Variants in AK5 observed in about 807,000 individuals in gnomAD.
AK5 encodes adenylate kinase 5.
A neutral mutation model predicts 69.5 loss-of-function variants in AK5; 27 were observed. That is an observed-to-expected ratio of 0.39 (90% CI 0.29 to 0.54). AK5 has a LOEUF of 0.54. AK5 is among the 20% of genes least tolerant of loss of function. The pLI, the probability that AK5 is intolerant of heterozygous loss-of-function variation, is 0.71. For missense variants in AK5, 531 were observed against 700.4 expected (o/e 0.76, Z 2.73); for synonymous variants, 260 against 244.4 (o/e 1.06, Z -0.60).
chr1:77,348,809 T>A (rs1045749860), intron 6 of AK5, among the ~76,000 whole-genome samples: 2 of 152,012 alleles, frequency 1.3e-5, no homozygotes, highest in Non-Finnish European at 2.9e-5. Context: ...CAGGAGACAC[T>A]CTGTGATCAG....
chr1:77,453,380 G>C (rs530442749), intron 8 of AK5, among the ~76,000 whole-genome samples: 2 of 152,130 alleles, frequency 1.3e-5, no homozygotes, highest in South Asian at 4.1e-4. Context: ...CCCTTATAAA[G>C]TGTTTCATAT....
chr1:77,449,113 G>C (rs896180923), intron 8 of AK5, among the ~76,000 whole-genome samples: 6 of 152,186 alleles, frequency 3.9e-5, no homozygotes, highest in African/African-American at 1.4e-4. Context: ...GGAGCTATGA[G>C]AAGAGGTCCA....
intron 8 of AK5, among the ~76,000 whole-genome samples, chr1:77,458,899 A>G (rs1653661875): frequency 6.6e-6 from 1 of 152,182 alleles, no homozygotes; most frequent in Non-Finnish European, 1.5e-5. Context: ...GGGACCAGTC[A>G]TTCCTAGTAG....
At chr1:77,514,425 T>G (rs554668421) in intron 10 of AK5, among the ~76,000 whole-genome samples, 1 of 152,192 alleles carries the variant, frequency 6.6e-6, no homozygotes, top group Non-Finnish European at 1.5e-5. Context: ...GGCCCCATTG[T>G]TTTTTTATTT....
intron 5 of AK5, among the ~76,000 whole-genome samples, chr1:77,298,344 A>G (rs1659128205): frequency 1.3e-5 from 2 of 152,154 alleles, no homozygotes; most frequent in African/African-American, 4.8e-5. Flanking sequence ...AGGTTGTGAA[A>G]TACTGAACCA....
chr1:77,493,827 GAT>G (rs1238665567), intron 10 of AK5, among the ~76,000 whole-genome samples: 1 of 152,204 alleles, frequency 6.6e-6, no homozygotes, highest in Non-Finnish European at 1.5e-5. Flanking sequence ...CAACTAATGA[GAT>G]ATCTTTCTAA....
chr1:77,313,484 A>T (rs942316306), intron 5 of AK5, among the ~76,000 whole-genome samples: 1 of 152,102 alleles, frequency 6.6e-6, no homozygotes, highest in Non-Finnish European at 1.5e-5. Flanking sequence ...AAAATTTTGG[A>T]GATTTGGCAG....
intron 10 of AK5, among the ~76,000 whole-genome samples, chr1:77,494,168 T>A (rs1656162474): frequency 6.6e-6 from 1 of 152,256 alleles, no homozygotes; most frequent in Non-Finnish European, 1.5e-5. Flanking sequence ...ATTGTGTCCC[T>A]ACCCATTGGT....
chr1:77,340,635 T>A, intron 6 of AK5, 67 bp downstream of exon 6: 1 of 1,460,522 alleles, frequency 6.8e-7, no homozygotes, highest in Non-Finnish European at 9.4e-7. Flanking sequence ...TTAGCCCATG[T>A]TCTCATGTAG....
At position 77,536,028 on chromosome 1, in the gene AK5, A is replaced by G; in HGVS notation, c.1610A>G (p.Gln537Arg). 6.2e-7 allele frequency: 1 copy of G among 1,611,924 alleles called. No homozygotes were observed. Among genetic ancestry groups the G allele is most frequent in the South Asian group, 1.1e-5 (1 of 90,964 alleles). ...ATCGCCTACTACGAGACAAAAACAC[A>G]GCTACACAAGGCGAGTCACTTCACT... Reference protein sequence around the residue: ...PVIAYYETKTQLHKINAEGTP... With the variant: ...PVIAYYETKTRLHKINAEGTP... Residue 537 changes from glutamine (Q) to arginine (R), a missense_variant, in exon 13 of 14, where the codon CAG becomes CGG. By Grantham distance (43) the Gln-to-Arg change is conservative (BLOSUM62 1). Transcript: ENST00000354567.
At chr1:77,346,067 T>C (rs1661899420) in intron 6 of AK5, 1 of 152,180 alleles carries the variant, frequency 6.6e-6, no homozygotes, top group Non-Finnish European at 1.5e-5. Context: ...AGAAAATATA[T>C]TTATTGTTCG....
chr1:77,375,426 A>G (rs1019640445), intron 6 of AK5, among the ~76,000 whole-genome samples: 1 of 152,218 alleles, frequency 6.6e-6, no homozygotes, highest in African/African-American at 2.4e-5. Flanking sequence ...CTGCCATCCC[A>G]GGCCTAAAAG....
chr1:77,382,503 A>G (rs1470967237), intron 6 of AK5, among the ~76,000 whole-genome samples: 1 of 152,160 alleles, frequency 6.6e-6, no homozygotes, highest in East Asian at 1.9e-4. Flanking sequence ...GGCACGCACC[A>G]TCATGCCTGG....
intron 6 of AK5, among the ~76,000 whole-genome samples, chr1:77,345,349 A>C (rs1052374519): frequency 1.3e-5 from 2 of 152,182 alleles, no homozygotes; most frequent in Non-Finnish European, 2.9e-5. Context: ...GAGGCTGAAA[A>C]AAGGTTAAAA....
At chr1:77,411,125 CT>C (rs1650018353) in intron 7 of AK5, 54 bp downstream of exon 7, 1 of 1,475,478 alleles carries the variant, frequency 6.8e-7, no homozygotes, top group Non-Finnish European at 9.3e-7. Flanking sequence ...TGCCAAATGT[CT>C]GGGGCTTTGT....
At chr1:77,460,758 C>T (rs949045457) in intron 8 of AK5, among the ~76,000 whole-genome samples, 26 of 152,046 alleles carry the variant, frequency 1.7e-4, no homozygotes, top group African/African-American at 5.8e-4. Flanking sequence ...GAGTCTCACC[C>T]TGTCACTCAG....
chr1:77,312,502 C>T (rs554584281), intron 5 of AK5, among the ~76,000 whole-genome samples: 1 of 151,644 alleles, frequency 6.6e-6, no homozygotes, highest in Non-Finnish European at 1.5e-5. Context: ...GTAATCCCAA[C>T]TACTTGAGAG....
chr1:77,454,558 C>A (rs547409556), intron 8 of AK5, among the ~76,000 whole-genome samples: 52 of 152,126 alleles, frequency 3.4e-4, no homozygotes, highest in Non-Finnish European at 6.0e-4. Flanking sequence ...ATTCTGTAGA[C>A]CAGACCATAG....
intron 5 of AK5, chr1:77,314,067 G>C (rs1007520695): frequency 1.7e-5 from 6 of 361,874 alleles, no homozygotes; most frequent in Non-Finnish European, 3.3e-5. Flanking sequence ...TTGAGAATTT[G>C]CTATGTGCCA....
Sources: allele counts gnomAD v4.1 joint callset (sites outside exome capture counted in the v4.1 genomes callset), GRCh38; gene constraint gnomAD v4.1.1; transcripts MANE v1.5; gene names NCBI Gene and HGNC (gene_info 2026-07-23, HGNC 2026-07-21).